The following MAPK8IP1 variants were observed in gnomAD, a reference collection of about 807,000 sequenced individuals.
MAPK8IP1 encodes the protein mitogen-activated protein kinase 8 interacting protein 1.
A neutral mutation model predicts 72.6 loss-of-function variants in MAPK8IP1; 17 were observed. The ratio of observed to expected loss-of-function variants is 0.23; its 90% CI spans 0.16 to 0.35. The LOEUF (loss-of-function observed/expected upper bound fraction) is 0.35. Ranked by LOEUF, MAPK8IP1 falls within the 10% of genes least tolerant of loss-of-function variation. The probability of loss-of-function intolerance (pLI) is 1.00; values close to 1 mark genes in which losing one functional copy is unlikely to be tolerated. For missense variants in MAPK8IP1, 789 were observed against 1,009.7 expected (o/e 0.78, Z 2.96); for synonymous variants, 401 against 443.4 (o/e 0.90, Z 1.20).
chr11:45,896,518 G>A (rs1439383749), intron 1 of MAPK8IP1: 6 of 1,078,976 alleles, frequency 5.6e-6, no homozygotes, highest in Non-Finnish European at 6.8e-6. Flanking sequence ...CCCGACAGGG[G>A]CATTGGAAGG....
chr11:45,904,907 A>G lies in MAPK8IP1; in HGVS notation c.1894-64A>G. 1.9e-6 allele frequency: 3 copies of G among 1,600,532 alleles called. No individual in the cohort carries two copies. The highest frequency in any genetic ancestry group is 1.7e-4 in the Middle Eastern group (1 of 6,026). ...CCCCAAGACTTGTGATGAAGAGGCC[A>G]TCTCCTGTCACCCTCACTGCAGGCC... On this transcript the variant is annotated intron_variant, in intron 9 of 11. Coordinates refer to ENST00000241014, the MANE Select transcript of MAPK8IP1 (RefSeq NM_005456.4). This position sits in a 1 kb window ranked among gnomAD's most constrained non-coding sequence, Gnocchi z 6.4.
Position 45,902,700 on chromosome 11 carries a change from C to T in MAPK8IP1, c.933C>T (p.Ser311=), listed in dbSNP as rs760397061. 1.6e-5 allele frequency: 25 copies of T among 1,610,118 alleles called. No individual in the cohort carries two copies. The Admixed American group carries it at 2.0e-4, about 13-fold the overall frequency. Residue 311 remains serine (S), a synonymous_variant, in exon 5 of 12, where the codon TCC becomes TCT. Transcript: ENST00000241014. The surrounding 1 kb of genome is among the most constrained non-coding windows in gnomAD (Gnocchi z 9.3). ...CTGAGAGCCGGATGTCAGTCAGCTCCGATCCAGACCCTGCCGCCTACCCCT... is the reference window on the plus strand; with the variant it reads ...CTGAGAGCCGGATGTCAGTCAGCTCTGATCCAGACCCTGCCGCCTACCCCT... The part of the protein sequence containing the change: ...PPTESRMSVS[S]DPDPAAYPST...
Position 45,902,351 on chromosome 11 carries a change from C to T in MAPK8IP1, c.605-21C>T. 3 of 1,543,514 alleles carry T rather than the reference C, an allele frequency of 1.9e-6. No individual in the cohort carries two copies. The highest frequency in any genetic ancestry group is 2.6e-6 in the Non-Finnish European group (3 of 1,140,574). On this transcript the variant is annotated intron_variant, in intron 4 of 11. Coordinates refer to ENST00000241014, the MANE Select transcript of MAPK8IP1 (RefSeq NM_005456.4). This position sits in a 1 kb window ranked among gnomAD's most constrained non-coding sequence, Gnocchi z 9.3. ...GGAGTTGGGAGAGAGCCCCTGCCTTCATGACCTGCCTGCTCTCCAGGGGAG... is the reference window on the plus strand; with the variant it reads ...GGAGTTGGGAGAGAGCCCCTGCCTTTATGACCTGCCTGCTCTCCAGGGGAG...
intron 1 of MAPK8IP1, chr11:45,896,436 T>A: frequency 1.3e-6 from 1 of 760,316 alleles, no homozygotes; most frequent in South Asian, 5.7e-5. Flanking sequence ...AGGGCTGGCT[T>A]TTGGGGGGAA....
At chr11:45,888,320 C>T (rs2086542750) in intron 1 of MAPK8IP1, among the ~76,000 whole-genome samples, 1 of 152,202 alleles carries the variant, frequency 6.6e-6, no homozygotes, top group Non-Finnish European at 1.5e-5. Context: ...CTCAGTTCGC[C>T]CAGGCACCAT....
Position 45,903,919 on chromosome 11 carries a change from C to T in MAPK8IP1, c.1494-70C>T. The T allele has an allele frequency of 4.9e-6, 7 of 1,439,432 alleles. No homozygotes were observed. In the East Asian group the frequency reaches 1.4e-4, roughly 28 times the overall value. The allele number at this position is 1,439,432 out of a possible 1,614,324, so 89.2% of individuals were successfully genotyped here. On this transcript the variant is annotated intron_variant, in intron 6 of 11. Transcript: ENST00000241014. This position sits in a 1 kb window ranked among gnomAD's most constrained non-coding sequence, Gnocchi z 6.4. ...GAAATAACGATGCTGCTGTGGCTCC[C>T]AGACCCCAGAGTAGGCCTGGCTGGA...
rs910975275 is a variant in MAPK8IP1, at chr11:45,904,372, G to A, written c.1667-83G>A. 15 of 1,268,618 alleles carry A rather than the reference G, an allele frequency of 1.2e-5. No homozygotes were observed. Among genetic ancestry groups the A allele is most frequent in the African/African-American group, 7.4e-5 (5 of 67,948 alleles). 78.6% of individuals were successfully genotyped at this position (1,268,618 alleles called of 1,614,324 possible). On this transcript the variant is annotated intron_variant, in intron 7 of 11. Transcript: ENST00000241014. This position sits in a 1 kb window ranked among gnomAD's most constrained non-coding sequence, Gnocchi z 6.4. Reference sequence around the variant, plus strand: ...GCCTCTGTGGGCTCTGCCATTCCCCGTGCCTCACCCACCCTCCTTCACTTG... The same window carrying A: ...GCCTCTGTGGGCTCTGCCATTCCCCATGCCTCACCCACCCTCCTTCACTTG...
intron 1 of MAPK8IP1, chr11:45,896,668 G>A: frequency 7.1e-7 from 1 of 1,405,128 alleles, no homozygotes; most frequent in Non-Finnish European, 9.3e-7. Context: ...CTGGGGCTGG[G>A]ACCCGGGTCG....
At position 45,903,411 on chromosome 11, in the gene MAPK8IP1, G is replaced by A; in HGVS notation, c.1464G>A (p.Glu488=). 1 of 1,613,274 alleles carries A rather than the reference G, an allele frequency of 6.2e-7. No homozygotes were observed. Among genetic ancestry groups the A allele is most frequent in the Non-Finnish European group, 8.5e-7 (1 of 1,180,000 alleles). ...GLFSCIINGE[E]QEQTHRAIFR... ...TCTCCTGCATCATCAACGGGGAGGA[G>A]CAGGAGCAGACCCACCGGGCCATAT... The change falls in exon 6 of 12, where the codon GAG becomes GAA. Residue 488 remains glutamate, a synonymous_variant. Coordinates refer to ENST00000241014, the MANE Select transcript of MAPK8IP1 (RefSeq NM_005456.4). The surrounding 1 kb of genome is among the most constrained non-coding windows in gnomAD (Gnocchi z 6.4).
In MAPK8IP1 at chr11:45,900,097, C is replaced by A. The variant is rs2086638344; in HGVS notation, c.208-41C>A. On this transcript the variant is annotated intron_variant, in intron 2 of 11. Transcript: ENST00000241014. The surrounding 1 kb of genome is among the most constrained non-coding windows in gnomAD (Gnocchi z 6.5). Reference sequence around the variant, plus strand: ...GGCGGTGCAAGCGGCCTCGGCCCCGCCCCGGCCCCGCCCCCTGACGCCCCT... The same window carrying A: ...GGCGGTGCAAGCGGCCTCGGCCCCGACCCGGCCCCGCCCCCTGACGCCCCT... 2 of 1,167,662 alleles carry A rather than the reference C, an allele frequency of 1.7e-6. No homozygotes were observed. Among genetic ancestry groups the A allele is most frequent in the African/African-American group, 3.2e-5 (2 of 62,124 alleles). The allele number at this position is 1,167,662 out of a possible 1,614,324, so 72.3% of individuals were successfully genotyped here. A position where few individuals can be genotyped will look rare whatever the true frequency, so the allele number is the denominator to read the frequency against.
In MAPK8IP1 at chr11:45,902,013, C is replaced by T. The variant is rs373364397; in HGVS notation, c.556C>T (p.His186Tyr). The part of the protein sequence containing the change: ...TLNNNSLGKK[H>Y]SWQDRVSRSS... ...GAATAATAATTCTCTGGGCAAAAAGCACAGTTGGCAGGATCGGGTGTCTCG... is the reference window on the plus strand; with the variant it reads ...GAATAATAATTCTCTGGGCAAAAAGTACAGTTGGCAGGATCGGGTGTCTCG... The change falls in exon 4 of 12, where the codon CAC (histidine) becomes TAC (tyrosine). Residue 186 changes from histidine to tyrosine, a missense_variant. Around this residue, in one of 4 missense-constraint regions of MAPK8IP1, gnomAD observed 112 missense variants for 192.8 expected, o/e 0.58. Coordinates refer to ENST00000241014, the MANE Select transcript of MAPK8IP1 (RefSeq NM_005456.4). This position sits in a 1 kb window ranked among gnomAD's most constrained non-coding sequence, Gnocchi z 9.3. The T allele has an allele frequency of 1.5e-5, 24 of 1,614,160 alleles. No individual in the cohort carries two copies. Among genetic ancestry groups the T allele is most frequent in the Non-Finnish European group, 2.0e-5 (24 of 1,179,998 alleles).
chr11:45,905,508 G>T, intron 11 of MAPK8IP1, 141 bp from the exon 12 acceptor site: 1 of 833,488 alleles, frequency 1.2e-6, no homozygotes, highest in South Asian at 1.3e-5. Context: ...ATTCTGTAGA[G>T]AACAGAGCCA....
intron 3 of MAPK8IP1, 196 bp from the exon 4 acceptor site, chr11:45,901,784 G>A: frequency 5.6e-6 from 4 of 711,374 alleles, no homozygotes; most frequent in Admixed American, 5.5e-5. Flanking sequence ...GCCATCCAGA[G>A]CCGGCAAGCC....
chr11:45,901,696 T>C (rs1051788329), intron 3 of MAPK8IP1, among the ~76,000 whole-genome samples: 2 of 152,134 alleles, frequency 1.3e-5, no homozygotes, highest in Non-Finnish European at 2.9e-5. Flanking sequence ...ACCACACACA[T>C]TGGCCATCAC....
In MAPK8IP1 at chr11:45,900,313, A is replaced by G. The variant is rs2134674160; in HGVS notation, c.383A>G (p.Lys128Arg). Residue 128 changes from lysine to arginine, a missense_variant, in exon 3 of 12, where the codon AAG (lysine) becomes AGG (arginine). By Grantham distance (26) the Lys-to-Arg change is conservative. Transcript: ENST00000241014. The surrounding 1 kb of genome is among the most constrained non-coding windows in gnomAD (Gnocchi z 6.5). ...CGGCGGCCGGGAGCGGGGCCGCCCA[A>G]GGCCGAGTCCGGCCAGGAGCCGGCG... Reference protein sequence around the residue: ...AARRPGAGPPKAESGQEPASR... With the variant: ...AARRPGAGPPRAESGQEPASR... 1 of 1,402,746 alleles carries G rather than the reference A, an allele frequency of 7.1e-7. No homozygotes were observed. The highest frequency in any genetic ancestry group is 3.0e-5 in the East Asian group (1 of 32,980). The allele number at this position is 1,402,746 out of a possible 1,614,324, so 86.9% of individuals were successfully genotyped here. A position where few individuals can be genotyped will look rare whatever the true frequency, so the allele number is the denominator to read the frequency against.
intron 1 of MAPK8IP1, among the ~76,000 whole-genome samples, chr11:45,888,215 A>T (rs2134663723): frequency 6.6e-6 from 1 of 152,316 alleles, no homozygotes; most frequent in South Asian, 2.1e-4. Context: ...GCTCCCAGAA[A>T]ATAAAGGGGG....
rs1168194245 is a variant in MAPK8IP1, at chr11:45,885,723, G to A, written c.-98G>A. On this transcript the variant is annotated 5_prime_UTR_variant, in exon 1 of 12. Transcript: ENST00000241014. ...GGTGCGCCCGCCTAGCCCGAACTCC[G>A]CGGCGGCGGCTGCCCTCTCGCCGCG... The A allele has an allele frequency of 1.2e-5, 7 of 598,758 alleles. No homozygotes were observed. In the Admixed American group the frequency reaches 3.2e-4, roughly 27 times the overall value. The allele number at this position is 598,758 out of a possible 1,614,324, so 37.1% of individuals were successfully genotyped here. A position where few individuals can be genotyped will look rare whatever the true frequency, so the allele number is the denominator to read the frequency against.
Position 45,885,703 on chromosome 11 carries a change from G to T in MAPK8IP1, c.-118G>T, listed in dbSNP as rs1265422983. The stretch of plus-strand genomic sequence containing the variant: ...GCCGCGCCCTGCCAGACACAGGTGC[G>T]CCCGCCTAGCCCGAACTCCGCGGCG... On this transcript the variant is annotated 5_prime_UTR_variant, in exon 1 of 12. Transcript: ENST00000241014. 3 of 463,622 alleles carry T rather than the reference G, an allele frequency of 6.5e-6. No individual in the cohort carries two copies. Among genetic ancestry groups the T allele is most frequent in the Non-Finnish European group, 3.5e-6 (1 of 283,618 alleles). The allele number at this position is 463,622 out of a possible 1,614,324, so 28.7% of individuals were successfully genotyped here.
chr11:45,885,745 C>T lies in MAPK8IP1; in HGVS notation c.-76C>T. ...TCCGCGGCGGCGGCTGCCCTCTCGCCGCGCCTCCGCCTCCTTCGCAGCCGC... is the reference window on the plus strand; with the variant it reads ...TCCGCGGCGGCGGCTGCCCTCTCGCTGCGCCTCCGCCTCCTTCGCAGCCGC... On this transcript the variant is annotated 5_prime_UTR_variant, in exon 1 of 12. Transcript: ENST00000241014. 3 of 858,986 alleles carry T rather than the reference C, an allele frequency of 3.5e-6. No homozygotes were observed. The highest frequency in any genetic ancestry group is 4.8e-6 in the Non-Finnish European group (3 of 625,952). The allele number at this position is 858,986 out of a possible 1,614,324, so 53.2% of individuals were successfully genotyped here.
Sources: gnomAD v4.1 joint callset for allele counts (sites outside exome capture counted in the v4.1 genomes callset) on GRCh38, gnomAD v4.1.1 for gene constraint, gnomAD v4.1.1 regional missense constraint, Gnocchi (gnomAD v3.1) non-coding constraint, MANE v1.5 for transcripts, NCBI Gene and HGNC (gene_info 2026-07-23, HGNC 2026-07-21) for gene names.